Variants in VWA8 observed in about 807,000 individuals in gnomAD.
VWA8 encodes von Willebrand factor A domain containing 8.
Under a neutral mutation model 241.5 loss-of-function variants are expected in VWA8, and 221 were observed. That is an observed-to-expected ratio of 0.91 (90% CI 0.82 to 1.02). The LOEUF (loss-of-function observed/expected upper bound fraction) is 1.02. VWA8 is among the 50% of genes least tolerant of loss of function. The pLI is 0.00. For synonymous variants in VWA8, 852 were observed against 827.1 expected, an observed-to-expected ratio of 1.03 and a Z score of -0.52; for missense variants, 2,322 against 2,328.7, an observed-to-expected ratio of 1.00 and a Z score of 0.06.
chr13:41,881,887 G>A (rs1272536676), intron 9 of VWA8, among the ~76,000 whole-genome samples: 5 of 148,624 alleles, frequency 3.4e-5, no homozygotes, highest in East Asian at 2.1e-4. Context: ...CGGACGGGGC[G>A]GCTGGCCTGG....
intron 40 of VWA8, 148 bp from the exon 41 acceptor site, chr13:41,590,913 T>C: frequency 1.0e-6 from 1 of 987,110 alleles, no homozygotes; most frequent in Non-Finnish European, 1.5e-6. Flanking sequence ...ATGAAGTGGT[T>C]TCTGCTCTGC....
intron 2 of VWA8, among the ~76,000 whole-genome samples, chr13:41,919,516 A>T (rs777304315): frequency 1.2e-4 from 19 of 152,042 alleles, no homozygotes; most frequent in Non-Finnish European, 2.5e-4. Flanking sequence ...ATGGGTAGTC[A>T]TTGCACCCCT....
chr13:41,950,091 T>G, intron 1 of VWA8, 78 bp from the exon 2 acceptor site: 1 of 827,594 alleles, frequency 1.2e-6, no homozygotes, highest in Non-Finnish European at 1.9e-6. Flanking sequence ...ATGCTTGTCC[T>G]GACCTACAGA....
rs764535437 is a variant in VWA8 at position 41,811,276 on chromosome 13, T to C, written c.2012A>G (p.Gln671Arg). The C allele has an allele frequency of 1.7e-5, 27 of 1,611,284 alleles. No homozygotes were observed. Among genetic ancestry groups the C allele is most frequent in the East Asian group, 2.2e-5 (1 of 44,864 alleles). The change falls in exon 17 of 45, where the codon CAG becomes CGG. Residue 671 changes from glutamine (Q) to arginine (R), a missense_variant. Gln to Arg is a conservative substitution (Grantham distance 43). Coordinates refer to ENST00000379310, the MANE Select transcript of VWA8 (RefSeq NM_015058.2). ...ACTGTGAAGATTTTCATTAGGATAC[T>C]GTGACAGCCGACGAGAAATTCGCAA... ...QLLRISRRLS[Q>R]YPNENLHSAV...
intron 35 of VWA8, among the ~76,000 whole-genome samples, chr13:41,682,052 C>T (rs2045103348): frequency 6.6e-6 from 1 of 152,160 alleles, no homozygotes; most frequent in Non-Finnish European, 1.5e-5. Context: ...CTGACTAAAA[C>T]AGTTTTGAAA....
intron 12 of VWA8, among the ~76,000 whole-genome samples, chr13:41,847,054 C>A (rs1353886181): frequency 6.6e-6 from 1 of 151,990 alleles, no homozygotes; most frequent in Non-Finnish European, 1.5e-5. Context: ...TCTAAAATTT[C>A]CACAATTTAT....
At chr13:41,570,941 G>C (rs1034753709) in intron 43 of VWA8, among the ~76,000 whole-genome samples, 2 of 152,172 alleles carry the variant, frequency 1.3e-5, no homozygotes, top group Non-Finnish European at 2.9e-5. Context: ...AATTATCACA[G>C]TGGGCACTTA....
chr13:41,820,642 G>T lies in VWA8; in HGVS notation c.1701-1256C>A, dbSNP rs560697212. 3.3e-5 allele frequency among the ~76,000 whole-genome samples: 5 copies of T among 152,282 alleles called. No homozygotes were observed. In the East Asian group the frequency reaches 9.6e-4, roughly 29 times the overall value. On this transcript the variant is annotated intron_variant, in intron 14 of 44. Transcript: ENST00000379310. Reference sequence around the variant, plus strand: ...ATTTGCAGGTGTTTTAGCAGGGCCTGGGGGAGTGATCTGTCCAAGAGTTGT... The same window carrying T: ...ATTTGCAGGTGTTTTAGCAGGGCCTTGGGGAGTGATCTGTCCAAGAGTTGT...
At chr13:41,676,023 T>C (rs1043506385) in intron 35 of VWA8, among the ~76,000 whole-genome samples, 3 of 152,076 alleles carry the variant, frequency 2.0e-5, no homozygotes, top group African/African-American at 4.8e-5. Context: ...ATTCTGATTG[T>C]TGAAATCCCA....
At chr13:41,767,471 T>C (rs1403391036) in intron 20 of VWA8, among the ~76,000 whole-genome samples, 1 of 152,230 alleles carries the variant, frequency 6.6e-6, no homozygotes, top group Non-Finnish European at 1.5e-5. Flanking sequence ...TTTGGTCTTA[T>C]AACAAAATAA....
intron 2 of VWA8, among the ~76,000 whole-genome samples, chr13:41,935,895 A>T (rs774120420): frequency 2.2e-4 from 33 of 152,098 alleles, no homozygotes; most frequent in Non-Finnish European, 4.6e-4. Context: ...TAGCCACAGA[A>T]GATTCCATAA....
At chr13:41,748,250 C>G (rs2045625584) in intron 21 of VWA8, among the ~76,000 whole-genome samples, 1 of 152,162 alleles carries the variant, frequency 6.6e-6, no homozygotes, top group Non-Finnish European at 1.5e-5. Flanking sequence ...GGTTGGTAAG[C>G]TATTAATTAT....
At chr13:41,646,163 C>T (rs1290175618) in intron 37 of VWA8, among the ~76,000 whole-genome samples, 1 of 151,912 alleles carries the variant, frequency 6.6e-6, no homozygotes, top group Admixed American at 6.6e-5. Context: ...AAGGGGTTTC[C>T]CCATGTTGGT....
intron 28 of VWA8, 143 bp from the exon 29 acceptor site, chr13:41,699,413 G>T: frequency 1.3e-6 from 1 of 771,530 alleles, no homozygotes; most frequent in Admixed American, 2.4e-5. Context: ...GCTTGATTAG[G>T]CTGAAAAGAC....
At chr13:41,683,826 T>C (rs895968457) in intron 35 of VWA8, among the ~76,000 whole-genome samples, 1 of 152,106 alleles carries the variant, frequency 6.6e-6, no homozygotes, top group African/African-American at 2.4e-5. Flanking sequence ...TGATTGATGA[T>C]GGATGAAATG....
intron 24 of VWA8, among the ~76,000 whole-genome samples, chr13:41,726,401 A>G (rs368823360): frequency 6.6e-6 from 1 of 152,180 alleles, no homozygotes; most frequent in African/African-American, 2.4e-5. Flanking sequence ...TGAGTGTGAG[A>G]GTCCAGAATT....
intron 24 of VWA8, among the ~76,000 whole-genome samples, chr13:41,724,222 T>C (rs2045414248): frequency 6.6e-6 from 1 of 152,184 alleles, no homozygotes; most frequent in South Asian, 2.1e-4. Flanking sequence ...AAAATCTGAT[T>C]AGAATGGAAT....
At chr13:41,833,592 GGT>G in intron 12 of VWA8, 61 bp from the exon 13 acceptor site, 1 of 1,489,496 alleles carries the variant, frequency 6.7e-7, no homozygotes, top group Admixed American at 2.2e-5. Flanking sequence ...AGACATGCAA[GGT>G]AGCTTACATG....
intron 40 of VWA8, among the ~76,000 whole-genome samples, chr13:41,600,647 T>C (rs2044515368): frequency 6.6e-6 from 1 of 152,114 alleles, no homozygotes; most frequent in Non-Finnish European, 1.5e-5. Context: ...TTTTGAAAAC[T>C]TTAAACATCG....
Sources: gnomAD v4.1 joint callset for allele counts (sites outside exome capture counted in the v4.1 genomes callset) on GRCh38, gnomAD v4.1.1 for gene constraint, MANE v1.5 for transcripts, NCBI Gene and HGNC (gene_info 2026-07-23, HGNC 2026-07-21) for gene names.